Variants in FGD5 observed in about 807,000 individuals in gnomAD.
The protein encoded by FGD5 is FYVE, RhoGEF and PH domain containing 5.
A neutral mutation model predicts 133.4 loss-of-function variants in FGD5; 28 were observed. That is an observed-to-expected ratio of 0.21 (90% CI 0.16 to 0.29). FGD5 has a LOEUF of 0.29. Ranked by LOEUF, FGD5 falls within the 10% of genes least tolerant of loss-of-function variation. The probability of loss-of-function intolerance (pLI) is 1.00; values close to 1 mark genes in which losing one functional copy is unlikely to be tolerated. For missense variants in FGD5, 1,858 were observed against 1,895.2 expected (o/e 0.98, Z 0.36); for synonymous variants, 810 against 776.5 (o/e 1.04, Z -0.72).
At chr3:14,903,284 G>A (rs1371902065) in intron 9 of FGD5, among the ~76,000 whole-genome samples, 1 of 152,140 alleles carries the variant, frequency 6.6e-6, no homozygotes, top group African/African-American at 2.4e-5. Flanking sequence ...TAAATTTACA[G>A]AAAAGATTGA....
chr3:14,829,988 A>G (rs930137628), intron 1 of FGD5, among the ~76,000 whole-genome samples: 15 of 152,224 alleles, frequency 9.9e-5, no homozygotes, highest in African/African-American at 3.4e-4. Flanking sequence ...AGCCTCAGCT[A>G]TCAATGCTCG....
At chr3:14,837,394 T>C (rs540916394) in intron 1 of FGD5, among the ~76,000 whole-genome samples, 2 of 152,292 alleles carry the variant, frequency 1.3e-5, no homozygotes, top group East Asian at 3.9e-4. Context: ...TTGCTTCTAA[T>C]CCACCATTCC....
chr3:14,862,934 A>G (rs979514700), intron 1 of FGD5, among the ~76,000 whole-genome samples: 3 of 152,078 alleles, frequency 2.0e-5, no homozygotes, highest in African/African-American at 7.2e-5. Context: ...GGGGTTGGGT[A>G]CCTGCGGTTC....
At chr3:14,912,681 T>G (rs1345021824) in intron 11 of FGD5, among the ~76,000 whole-genome samples, 1 of 152,244 alleles carries the variant, frequency 6.6e-6, no homozygotes. Flanking sequence ...TTTGCCCTGC[T>G]GTGGGTCTTG....
At chr3:14,911,184 C>G (rs1294923422) in intron 11 of FGD5, among the ~76,000 whole-genome samples, 1 of 152,158 alleles carries the variant, frequency 6.6e-6, no homozygotes, top group Non-Finnish European at 1.5e-5. Flanking sequence ...AAATATCTGT[C>G]AACCACCTTA....
intron 9 of FGD5, 136 bp from the exon 10 acceptor site, chr3:14,907,504 A>G: frequency 1.4e-6 from 1 of 708,814 alleles, no homozygotes; most frequent in African/African-American, 1.8e-5. Flanking sequence ...TGCCTTGTAC[A>G]GGAGGTTGGA....
intron 2 of FGD5, among the ~76,000 whole-genome samples, chr3:14,876,611 A>G (rs946097788): frequency 6.6e-6 from 1 of 152,244 alleles, no homozygotes; most frequent in Non-Finnish European, 1.5e-5. Flanking sequence ...ATTTTTACAA[A>G]TATTAATGTC....
intron 9 of FGD5, among the ~76,000 whole-genome samples, chr3:14,901,313 C>G (rs1203845450): frequency 2.0e-5 from 3 of 152,214 alleles, no homozygotes; most frequent in Admixed American, 2.0e-4. Context: ...CTGAGGCCAC[C>G]CCCATCAGCA....
Position 14,897,585 on chromosome 3 carries a change from T to C in FGD5, c.2825T>C (p.Leu942Pro), listed in dbSNP as rs2038161123. ...AGAGACACATTGGCCCGGGAGGAGC[T>C]GAGGCAGGGCCTGAGTGAACTCCCA... is the stretch of plus-strand genomic sequence containing the variant. ...EGRDTLAREE[L>P]RQGLSELPAI... The change falls in exon 5 of 20, where the codon CTG (leucine) becomes CCG (proline). Residue 942 changes from leucine (L) to proline (P), a missense_variant. Transcript: ENST00000285046. 1 of 1,604,990 alleles carries C rather than the reference T, an allele frequency of 6.2e-7. No homozygotes were observed. The highest frequency in any genetic ancestry group is 8.5e-7 in the Non-Finnish European group (1 of 1,175,914).
At chr3:14,855,135 T>G (rs1236854958) in intron 1 of FGD5, among the ~76,000 whole-genome samples, 3 of 152,240 alleles carry the variant, frequency 2.0e-5, no homozygotes, top group African/African-American at 7.2e-5. Context: ...TGTTCCTCGC[T>G]TATTTCACTT....
intron 1 of FGD5, among the ~76,000 whole-genome samples, chr3:14,858,328 G>T (rs1390621582): frequency 6.8e-6 from 1 of 147,330 alleles, no homozygotes; most frequent in African/African-American, 2.5e-5. Context: ...ATGGTCAGAT[G>T]TCCAGTGTCC....
intron 9 of FGD5, 61 bp from the exon 10 acceptor site, chr3:14,907,579 G>A (rs2038364012): frequency 6.7e-7 from 1 of 1,489,298 alleles, no homozygotes; most frequent in Admixed American, 1.8e-5. Context: ...GCCTTACAGA[G>A]GAGATAAGAC....
intron 1 of FGD5, among the ~76,000 whole-genome samples, chr3:14,837,672 G>C (rs2036843357): frequency 6.6e-6 from 1 of 152,184 alleles, no homozygotes; most frequent in South Asian, 2.1e-4. Context: ...AATCAGCAGT[G>C]ATTATGCTCA....
chr3:14,846,000 A>G (rs1035771690), intron 1 of FGD5, among the ~76,000 whole-genome samples: 2 of 152,118 alleles, frequency 1.3e-5, no homozygotes, highest in African/African-American at 4.8e-5. Context: ...CAGGGATGAG[A>G]ACTCAAACTC....
At chr3:14,899,835 C>T (rs763954274) in intron 7 of FGD5, among the ~76,000 whole-genome samples, 34 of 152,252 alleles carry the variant, frequency 2.2e-4, no homozygotes, top group African/African-American at 7.9e-4. Context: ...TCTGAGGAGG[C>T]GGCATTGGAC....
Position 14,819,724 on chromosome 3 carries a change from A to G in FGD5, c.653A>G (p.Glu218Gly). 6.5e-7 allele frequency: 1 copy of G among 1,535,704 alleles called. No individual in the cohort carries two copies. The highest frequency in any genetic ancestry group is 8.8e-7 in the Non-Finnish European group (1 of 1,139,008). Residue 218 changes from glutamate (E) to glycine (G), a missense_variant, in exon 1 of 20, where the codon GAG becomes GGG. Glu to Gly is a moderately conservative substitution (Grantham distance 98). Transcript: ENST00000285046. The surrounding 1 kb of genome is among the most constrained non-coding windows in gnomAD (Gnocchi z 4.1). ...DTPGEAEEDDEEGCASTDPAG... is the reference protein window; with the variant it reads ...DTPGEAEEDDGEGCASTDPAG... The stretch of plus-strand genomic sequence containing the variant: ...CCCGGGGAGGCAGAGGAGGATGATG[A>G]GGAAGGCTGTGCCAGCACAGACCCA...
intron 2 of FGD5, among the ~76,000 whole-genome samples, chr3:14,873,731 T>TTC (rs1228879680): frequency 6.1e-5 from 9 of 148,646 alleles, no homozygotes; most frequent in African/African-American, 1.8e-4. Context: ...CACTTTTTTT[T>TTC]TTCTTTTTTT....
Position 14,898,038 on chromosome 3 carries a change from G to A in FGD5, c.3009G>A (p.Leu1003=). 6.2e-7 allele frequency: 1 copy of A among 1,614,024 alleles called. No individual in the cohort carries two copies. The highest frequency in any genetic ancestry group is 1.3e-5 in the African/African-American group (1 of 75,050). The change falls in exon 6 of 20, where the codon CTG becomes CTA. Residue 1003 remains leucine (L), a synonymous_variant. Coordinates refer to ENST00000285046, the MANE Select transcript of FGD5 (RefSeq NM_152536.4). ...TGCAGTTCGACAGGTACCTAGGTCT[G>A]CTCAGTGAGAATTGCCTCCACTCTC... ...HILQFDRYLG[L]LSENCLHSPR... is the part of the protein sequence containing the mutation.
intron 1 of FGD5, among the ~76,000 whole-genome samples, chr3:14,861,456 C>T (rs1430270241): frequency 6.6e-6 from 1 of 152,202 alleles, no homozygotes; most frequent in African/African-American, 2.4e-5. Context: ...AAAGGCCCAC[C>T]CAAGACCCAA....
Sources: gnomAD v4.1 joint callset for allele counts (sites outside exome capture counted in the v4.1 genomes callset) on GRCh38, gnomAD v4.1.1 for gene constraint, Gnocchi (gnomAD v3.1) non-coding constraint, MANE v1.5 for transcripts, NCBI Gene and HGNC (gene_info 2026-07-23, HGNC 2026-07-21) for gene names.